The following AVEN variants were observed in gnomAD, a reference collection of about 807,000 sequenced individuals.
The protein encoded by AVEN is cell death regulator Aven.
A neutral mutation model predicts 38.1 loss-of-function variants in AVEN; 41 were observed. That is an observed-to-expected ratio of 1.08 (90% CI 0.84 to 1.40). The LOEUF is 1.40. Among genes scored for constraint, AVEN ranks in the 40% most tolerant of loss-of-function variants. The pLI is 0.00. For missense variants in AVEN, 605 were observed against 438.8 expected (o/e 1.38, Z -3.38); for synonymous variants, 206 against 171.8 (o/e 1.20, Z -1.56).
At chr15:33,854,566 C>T, downstream of AVEN, 1 of 1,056,694 alleles carries the variant, frequency 9.5e-7, no homozygotes, top group Non-Finnish European at 1.4e-6. Context: ...AGACCAAGAG[C>T]CTTATACGTG....
intron 1 of AVEN, among the ~76,000 whole-genome samples, chr15:34,070,760 G>A (rs1428199834): frequency 6.6e-6 from 1 of 152,182 alleles, no homozygotes; most frequent in Non-Finnish European, 1.5e-5. Flanking sequence ...AGTAATAACA[G>A]GCAAAAGACT....
chr15:33,859,242 CTCTTAAAATTAAATGAGGAAAAAT>C, intron 11 of AVEN: 1 of 249,230 alleles, frequency 4.0e-6, no homozygotes, highest in East Asian at 8.1e-5. Flanking sequence ...CAGGCTAACA[CTCTTAAAATTAAATGAGGAAAAAT>C]TATTATATGG....
rs567835477 is a variant in AVEN at position 33,861,014 on chromosome 15, G to C, written n.2730-1920C>G. The C allele has an allele frequency of 8.1e-4, 983 of 1,216,230 alleles. 4 individuals are homozygous for C. Among genetic ancestry groups the C allele is most frequent in the Middle Eastern group, 3.4e-3 (18 of 5,320 alleles). 75.3% of individuals were successfully genotyped at this position (1,216,230 alleles called of 1,614,324 possible). A position where few individuals can be genotyped will look rare whatever the true frequency, so the allele number is the denominator to read the frequency against. ...TTATCCTTCAATTCGATAGAATCAT[G>C]ACAGTTTTCTCTCCTGCCTATATTA... On this transcript the variant is annotated intron_variant and non_coding_transcript_variant, in intron 11 of 11. Transcript: ENST00000675287.
intron 2 of AVEN, among the ~76,000 whole-genome samples, chr15:33,930,098 C>T (rs1027144930): frequency 6.6e-6 from 1 of 152,164 alleles, no homozygotes; most frequent in Non-Finnish European, 1.5e-5. Context: ...ACTGTTCTAG[C>T]ATGCCATGGT....
At chr15:33,953,391 C>T (rs1167151228) in intron 2 of AVEN, among the ~76,000 whole-genome samples, 1 of 152,182 alleles carries the variant, frequency 6.6e-6, no homozygotes, top group Non-Finnish European at 1.5e-5. Context: ...TCAAACTATA[C>T]TACAAGGCTA....
downstream of AVEN, among the ~76,000 whole-genome samples, chr15:33,863,488 G>A (rs1567366952): frequency 6.6e-6 from 1 of 152,094 alleles, no homozygotes; most frequent in African/African-American, 2.4e-5. Context: ...TTCCGGAAGG[G>A]CAAGAGCCTG....
chr15:33,943,778 C>T (rs1432938576), intron 2 of AVEN, among the ~76,000 whole-genome samples: 1 of 132,456 alleles, frequency 7.5e-6, no homozygotes, highest in Non-Finnish European at 1.5e-5. Context: ...TGACTTAAGA[C>T]TACTACTGCA....
chr15:33,854,329 A>T, downstream of AVEN: 1 of 1,402,938 alleles, frequency 7.1e-7, no homozygotes, highest in South Asian at 1.3e-5. Context: ...TTTCCCCCTT[A>T]TTGAGCACTT....
intron 2 of AVEN, among the ~76,000 whole-genome samples, chr15:33,940,525 T>G (rs894447432): frequency 1.3e-5 from 2 of 152,062 alleles, no homozygotes; most frequent in African/African-American, 4.8e-5. Context: ...TTAGTTGAAA[T>G]GTCTTTGCAA....
intron 2 of AVEN, among the ~76,000 whole-genome samples, chr15:33,942,755 T>A (rs1186583941): frequency 6.6e-6 from 1 of 152,148 alleles, no homozygotes; most frequent in Non-Finnish European, 1.5e-5. Flanking sequence ...CCAGCCAAAG[T>A]TTTTTTATCT....
chr15:34,045,023 G>A (rs1327899423), intron 5 of AVEN, among the ~76,000 whole-genome samples: 3 of 152,152 alleles, frequency 2.0e-5, no homozygotes, highest in East Asian at 3.8e-4. Context: ...ACTCCAGCCT[G>A]GGCGACAGAG....
chr15:33,870,051 T>C (rs1256035364), intron 4 of AVEN, among the ~76,000 whole-genome samples: 1 of 152,194 alleles, frequency 6.6e-6, no homozygotes. Flanking sequence ...TCACCCTTCC[T>C]GATCCTACCA....
At chr15:34,053,313 A>T (rs1319063958) in intron 5 of AVEN, among the ~76,000 whole-genome samples, 40 of 94,604 alleles carry the variant, frequency 4.2e-4, no homozygotes, top group African/African-American at 1.7e-3. Context: ...AAAAAAAAAA[A>T]AAAAAAATAT....
chr15:33,891,509 C>T (rs1419842756), intron 2 of AVEN, among the ~76,000 whole-genome samples: 2 of 152,064 alleles, frequency 1.3e-5, no homozygotes, highest in Non-Finnish European at 2.9e-5. Context: ...TGATAGTCTG[C>T]TGAGAATGAT....
exon 5 of AVEN, chr15:34,062,977 A>G: frequency 6.2e-7 from 1 of 1,613,904 alleles, no homozygotes; most frequent in South Asian, 1.1e-5. Context: ...ATGAACCTCT[A>G]CACCACCTAC....
At chr15:33,924,700 T>C (rs1893547185) in intron 2 of AVEN, among the ~76,000 whole-genome samples, 1 of 152,194 alleles carries the variant, frequency 6.6e-6, no homozygotes, top group South Asian at 2.1e-4. Flanking sequence ...TTTCAAAGCA[T>C]TTTGAAGTAT....
chr15:33,852,251 C>T, the AVEN span: 1 of 152,132 alleles, frequency 6.6e-6, no homozygotes, highest in Non-Finnish European at 1.5e-5. Context: ...AAGGAACCCC[C>T]CCACAGGAAG....
intron 2 of AVEN, among the ~76,000 whole-genome samples, chr15:33,961,747 A>T (rs565151609): frequency 3.0e-4 from 41 of 136,364 alleles, no homozygotes; most frequent in Admixed American, 2.7e-3. Flanking sequence ...CGGGAGGCGG[A>T]GCTTGCAGTG....
intron 2 of AVEN, among the ~76,000 whole-genome samples, chr15:33,929,686 CTAAT>C (rs1567418484): frequency 6.6e-6 from 1 of 152,186 alleles, no homozygotes; most frequent in Admixed American, 6.5e-5. Flanking sequence ...ATTACTGTGA[CTAAT>C]TATTCTTTAC....
Sources: allele counts gnomAD v4.1 joint callset (sites outside exome capture counted in the v4.1 genomes callset), GRCh38; gene constraint gnomAD v4.1.1; transcripts MANE v1.5; gene names NCBI Gene and HGNC (gene_info 2026-07-23, HGNC 2026-07-21).